Variants in BAZ1B observed in about 807,000 individuals in gnomAD.
The protein encoded by BAZ1B is tyrosine-protein kinase BAZ1B.
A neutral mutation model predicts 153.8 loss-of-function variants in BAZ1B; 22 were observed. The ratio of observed to expected loss-of-function variants is 0.14; its 90% CI spans 0.10 to 0.20. The LOEUF is 0.20. Among genes scored for constraint, BAZ1B ranks in the 10% least tolerant of loss-of-function variants. The pLI is 1.00. For synonymous variants in BAZ1B, 676 were observed against 633.4 expected (o/e 1.07, Z -1.01); for missense variants, 1,325 against 1,799.3 (o/e 0.74, Z 4.77).
chr7:73,520,495 C>G (rs1395966216), intron 1 of BAZ1B, among the ~76,000 whole-genome samples: 1 of 151,474 alleles, frequency 6.6e-6, no homozygotes, highest in South Asian at 2.1e-4. Flanking sequence ...ATCATTTGAC[C>G]TTCAACAAGT....
chr7:73,491,986 C>CCT (rs1554575547), intron 5 of BAZ1B, among the ~76,000 whole-genome samples: 2 of 117,238 alleles, frequency 1.7e-5, no homozygotes, highest in African/African-American at 6.8e-5. Flanking sequence ...CAGCAAAACG[C>CCT]TTTTTTTTTT....
intron 5 of BAZ1B, among the ~76,000 whole-genome samples, chr7:73,490,437 A>G (rs62465149): frequency 0.049 from 7,438 of 152,262 alleles, 210 homozygotes; most frequent in Non-Finnish European, 0.066. Flanking sequence ...GCTACCTACC[A>G]TTCACTAAAT....
In BAZ1B at chr7:73,478,040, G is replaced by A. The variant is rs1563381078; in HGVS notation, c.1421C>T (p.Ala474Val). 2 of 1,614,006 alleles carry A rather than the reference G, an allele frequency of 1.2e-6. No individual in the cohort carries two copies. The highest frequency in any genetic ancestry group is 1.7e-6 in the Non-Finnish European group (2 of 1,180,012). ...SSKPHKHLPP[A>V]ALHLIAYYKE... The stretch of plus-strand genomic sequence containing the variant: ...GTAGTATGCAATGAGGTGTAGGGCT[G>A]CAGGAGGCAGATGTTTATGAGGTTT... Residue 474 changes from alanine to valine, a missense_variant, in exon 7 of 20, where the codon GCA (alanine) becomes GTA (valine). Around this residue, in one of 9 missense-constraint regions of BAZ1B, gnomAD observed 219 missense variants for 248.2 expected, o/e 0.88. Coordinates refer to ENST00000339594, the MANE Select transcript of BAZ1B (RefSeq NM_032408.4).
chr7:73,450,741 C>T lies in BAZ1B; in HGVS notation c.3580+106G>A. 1 of 1,357,398 alleles carries T rather than the reference C, an allele frequency of 7.4e-7. No individual in the cohort carries two copies. Among genetic ancestry groups the T allele is most frequent in the Non-Finnish European group, 1.0e-6 (1 of 974,114 alleles). 84.1% of individuals were successfully genotyped at this position (1,357,398 alleles called of 1,614,324 possible). On this transcript the variant is annotated intron_variant, in intron 14 of 19. Coordinates refer to ENST00000339594, the MANE Select transcript of BAZ1B (RefSeq NM_032408.4). The surrounding 1 kb of genome is among the most constrained non-coding windows in gnomAD (Gnocchi z 4.1). Reference sequence around the variant, plus strand: ...GCAGGAGAGTAAAATCTATACCACACTTATATTCTGTGTACACAAAATTCT... The same window carrying T: ...GCAGGAGAGTAAAATCTATACCACATTTATATTCTGTGTACACAAAATTCT...
intron 1 of BAZ1B, among the ~76,000 whole-genome samples, chr7:73,516,169 TTTC>T (rs145692447): frequency 0.032 from 4,815 of 152,030 alleles, 148 homozygotes; most frequent in Non-Finnish European, 0.037. Flanking sequence ...AAAATGTGGT[TTTC>T]TTTTTTATTA....
chr7:73,505,631 GAAAA>G (rs35221024), intron 3 of BAZ1B, among the ~76,000 whole-genome samples: 3 of 145,366 alleles, frequency 2.1e-5, no homozygotes, highest in Non-Finnish European at 4.6e-5. Flanking sequence ...TCCTGAGAGG[GAAAA>G]AAAAAAAACA....
At chr7:73,473,011 G>A (rs1208936227) in intron 7 of BAZ1B, among the ~76,000 whole-genome samples, 3 of 151,624 alleles carry the variant, frequency 2.0e-5, no homozygotes, top group Non-Finnish European at 4.4e-5. Flanking sequence ...GGCCGATCTT[G>A]GCTCACTGCA....
chr7:73,453,949 C>G (rs1343598684), intron 13 of BAZ1B, among the ~76,000 whole-genome samples: 1 of 152,140 alleles, frequency 6.6e-6, no homozygotes, highest in Non-Finnish European at 1.5e-5. Context: ...CTGCACCCAC[C>G]AGCCTGAGTG....
chr7:73,507,893 T>C (rs1230335384), intron 3 of BAZ1B, among the ~76,000 whole-genome samples: 2 of 152,102 alleles, frequency 1.3e-5, no homozygotes, highest in Non-Finnish European at 2.9e-5. Context: ...AAATAAAATT[T>C]AGTCCTTATA....
At position 73,521,853 on chromosome 7, in the gene BAZ1B, G is replaced by A. The variant is rs1228198280; in HGVS notation, c.81C>T (p.His27=). 10 of 1,510,016 alleles carry A rather than the reference G, an allele frequency of 6.6e-6. No homozygotes were observed. Among genetic ancestry groups the A allele is most frequent in the Non-Finnish European group, 8.0e-6 (9 of 1,125,262 alleles). The allele number at this position is 1,510,016 out of a possible 1,614,324, so 93.5% of individuals were successfully genotyped here. A position where few individuals can be genotyped will look rare whatever the true frequency, so the allele number is the denominator to read the frequency against. Residue 27 remains histidine, a synonymous_variant, in exon 1 of 20, where the codon CAC becomes CAT. Coordinates refer to ENST00000339594, the MANE Select transcript of BAZ1B (RefSeq NM_032408.4). ...CCCGGGTGCGGAAGGCCTCCTGAGT[G>A]TGCGGGATGGTGAAGAGCGGCTCCT... The part of the protein sequence containing the change: ...PGEEPLFTIP[H]TQEAFRTREE...
intron 7 of BAZ1B, among the ~76,000 whole-genome samples, chr7:73,473,692 A>G (rs1287042100): frequency 1.3e-5 from 2 of 152,266 alleles, no homozygotes; most frequent in Non-Finnish European, 2.9e-5. Flanking sequence ...TTTTCTAATG[A>G]AAGAACTATT....
intron 5 of BAZ1B, among the ~76,000 whole-genome samples, chr7:73,492,384 G>C (rs1162113988): frequency 6.6e-6 from 1 of 151,820 alleles, no homozygotes; most frequent in Non-Finnish European, 1.5e-5. Flanking sequence ...GGATGGTCTC[G>C]ATCTCCTGAC....
intron 13 of BAZ1B, among the ~76,000 whole-genome samples, chr7:73,456,538 C>T (rs985370386): frequency 2.6e-5 from 4 of 152,146 alleles, no homozygotes; most frequent in Non-Finnish European, 4.4e-5. Flanking sequence ...ACAATAAGCA[C>T]ATGAAAAGAT....
At chr7:73,491,480 T>C (rs782185370) in intron 5 of BAZ1B, among the ~76,000 whole-genome samples, 24 of 151,940 alleles carry the variant, frequency 1.6e-4, no homozygotes, top group Non-Finnish European at 2.9e-4. Flanking sequence ...ATGCCTGTAA[T>C]CCTAGCTACT....
chr7:73,478,570 C>A lies in BAZ1B; in HGVS notation c.892-1G>T. On this transcript the variant is annotated splice_acceptor_variant, in intron 6 of 19. Coordinates refer to ENST00000339594, the MANE Select transcript of BAZ1B (RefSeq NM_032408.4). LOFTEE classifies it high-confidence loss of function. ...TAGTAGAAGGGTTGAGAGTCATATA[C>A]TAGAATTTAAGAATAGGAGCAAAAT... is the stretch of plus-strand genomic sequence containing the variant. 6.7e-7 allele frequency: 1 copy of A among 1,497,062 alleles called. No individual in the cohort carries two copies. The highest frequency in any genetic ancestry group is 8.9e-7 in the Non-Finnish European group (1 of 1,123,738). 92.7% of individuals were successfully genotyped at this position (1,497,062 alleles called of 1,614,324 possible).
intron 1 of BAZ1B, among the ~76,000 whole-genome samples, chr7:73,516,025 T>C (rs552528029): frequency 6.6e-6 from 1 of 152,276 alleles, no homozygotes; most frequent in East Asian, 1.9e-4. Flanking sequence ...CACGTGCCTG[T>C]AGTCCCAGCT....
intron 6 of BAZ1B, among the ~76,000 whole-genome samples, chr7:73,481,351 TA>T (rs1156991346): frequency 1.3e-5 from 2 of 151,658 alleles, no homozygotes; most frequent in African/African-American, 4.8e-5. Flanking sequence ...CCATCTCTAG[TA>T]AAAATACAAA....
chr7:73,447,170 G>GC (rs1787868517), intron 16 of BAZ1B, 94 bp downstream of exon 16: 1 of 1,606,036 alleles, frequency 6.2e-7, no homozygotes, highest in East Asian at 2.2e-5. Context: ...AATAGGGCAA[G>GC]CCGGCCACAC....
In BAZ1B at chr7:73,518,400, G is replaced by A. The variant is rs930708717; in HGVS notation, c.107+3427C>T. Among the ~76,000 whole-genome samples the A allele has an allele frequency of 3.3e-5, 5 of 150,636 alleles. No homozygotes were observed. The East Asian group carries it at 5.9e-4, about 18-fold the overall frequency. On this transcript the variant is annotated intron_variant, in intron 1 of 19. Transcript: ENST00000339594. ...TGCACTCCAGCCTGGGCGACAGAGCGAGACTCCGTCTCAAAAAATAAATAA... is the reference window on the plus strand; with the variant it reads ...TGCACTCCAGCCTGGGCGACAGAGCAAGACTCCGTCTCAAAAAATAAATAA...
Sources: allele counts gnomAD v4.1 joint callset (sites outside exome capture counted in the v4.1 genomes callset), GRCh38; gene constraint gnomAD v4.1.1; regional missense constraint gnomAD v4.1.1; non-coding constraint Gnocchi (gnomAD v3.1); transcripts MANE v1.5; gene names NCBI Gene and HGNC (gene_info 2026-07-23, HGNC 2026-07-21).